ARL10: variants seen among roughly 807,000 people sequenced by gnomAD.
ARL10 encodes the protein ADP-ribosylation factor-like protein 10.
ARL10 carries 23 observed loss-of-function variants against 26.1 expected under a neutral mutation model. The ratio of observed to expected loss-of-function variants is 0.88; its 90% CI spans 0.63 to 1.25. The LOEUF (loss-of-function observed/expected upper bound fraction) is 1.25. ARL10 is among the 50% of genes most tolerant of loss of function. ARL10 has a pLI of 0.00. For missense variants in ARL10, 300 were observed against 323.6 expected (o/e 0.93, Z 0.56); for synonymous variants, 138 against 149.1 (o/e 0.93, Z 0.54).
chr5:176,388,671 ACC>A, downstream of ARL10: 1 of 1,326,088 alleles, frequency 7.5e-7, no homozygotes, highest in Non-Finnish European at 1.1e-6. Flanking sequence ...TTGTAGCACT[ACC>A]GTGCTGAGCA....
At chr5:176,405,889 C>T (rs563368832), downstream of ARL10, 2 of 151,880 alleles carry the variant, frequency 1.3e-5, no homozygotes, top group South Asian at 2.1e-4. Flanking sequence ...TATGGTAACA[C>T]TCTGCAGCCC....
chr5:176,388,509 G>T (rs1222357596), exon 2 of ARL10: 1 of 1,613,624 alleles, frequency 6.2e-7, no homozygotes, highest in Non-Finnish European at 8.5e-7. Context: ...CCAAACTTCT[G>T]CCTCCGGGTT....
Position 176,374,608 on chromosome 5 carries a change from A to G in ARL10, c.*2713A>G, listed in dbSNP as rs1006930045. The G allele has an allele frequency of 6.6e-6, 1 of 152,252 alleles. No homozygotes were observed. Among genetic ancestry groups the G allele is most frequent in the Non-Finnish European group, 1.5e-5 (1 of 68,040 alleles). The allele number at this position is 152,252 out of a possible 1,614,324, so 9.4% of individuals were successfully genotyped here. A position where few individuals can be genotyped will look rare whatever the true frequency, so the allele number is the denominator to read the frequency against. On this transcript the variant is annotated 3_prime_UTR_variant, in exon 4 of 4. Transcript: ENST00000310389. ...GTTCAGACGATAAAAATAGTTCAACAGCGTGCAAGCTCTGCTGCTCATAGC... is the reference window on the plus strand; with the variant it reads ...GTTCAGACGATAAAAATAGTTCAACGGCGTGCAAGCTCTGCTGCTCATAGC...
chr5:176,366,006 G>T (rs1456143649), intron 1 of ARL10, among the ~76,000 whole-genome samples: 1 of 152,216 alleles, frequency 6.6e-6, no homozygotes, highest in Non-Finnish European at 1.5e-5. Context: ...GGGTGTTCCA[G>T]CGGGGGCCGG....
rs1755514107 is a variant in ARL10 at position 176,380,042 on chromosome 5, GT to G, written c.*8149del. 1.3e-5 allele frequency: 2 copies of G among 152,322 alleles called. No individual in the cohort carries two copies. Among genetic ancestry groups the G allele is most frequent in the South Asian group, 4.1e-4 (2 of 4,830 alleles). 9.4% of individuals were successfully genotyped at this position (152,322 alleles called of 1,614,324 possible). On this transcript the variant is annotated 3_prime_UTR_variant, in exon 4 of 4. Transcript: ENST00000310389. ...AGCTTTAGACCATGGAGTAAAAGTGGTTACAGCAGGCAGGCTGGTTGACTAG... is the reference window on the plus strand; with the variant it reads ...AGCTTTAGACCATGGAGTAAAAGTGGTACAGCAGGCAGGCTGGTTGACTAG...
chr5:176,369,331 C>T, intron 3 of ARL10: 1 of 720,742 alleles, frequency 1.4e-6, no homozygotes, highest in Non-Finnish European at 2.0e-6. Flanking sequence ...CTCCCGGGTT[C>T]AAGCAATTCT....
downstream of ARL10, chr5:176,406,779 G>T: frequency 8.6e-7 from 1 of 1,165,160 alleles, no homozygotes; most frequent in Non-Finnish European, 1.1e-6. Context: ...GGTGTGCACA[G>T]GCCAAGGTTT....
At chr5:176,370,347 A>C (rs1768493809) in intron 3 of ARL10, among the ~76,000 whole-genome samples, 1 of 152,180 alleles carries the variant, frequency 6.6e-6, no homozygotes, top group Non-Finnish European at 1.5e-5. Context: ...AACCCTCAGT[A>C]TCACAGACCT....
chr5:176,411,442 T>C, the ARL10 span, among the ~76,000 whole-genome samples: 1 of 152,222 alleles, frequency 6.6e-6, no homozygotes, highest in Non-Finnish European at 1.5e-5. Context: ...CCTGGAAGGC[T>C]GCTCCCTCAC....
At position 176,372,149 on chromosome 5, in the gene ARL10, G is replaced by A; in HGVS notation, c.*254G>A. On this transcript the variant is annotated 3_prime_UTR_variant, in exon 4 of 4. Transcript: ENST00000310389. ...GATAGTGTCTGGCTCATTCCAGGCT[G>A]GAATGTGGATCCAGCTTTCCCTTCT... 7.9e-7 allele frequency: 1 copy of A among 1,268,804 alleles called. No homozygotes were observed. Among genetic ancestry groups the A allele is most frequent in the Non-Finnish European group, 1.0e-6 (1 of 973,288 alleles). 78.6% of individuals were successfully genotyped at this position (1,268,804 alleles called of 1,614,324 possible).
chr5:176,388,952 G>C, downstream of ARL10: 2 of 1,614,174 alleles, frequency 1.2e-6, no homozygotes, highest in Non-Finnish European at 1.7e-6. Flanking sequence ...CAAGACCCGC[G>C]AGAACCCGGT....
At chr5:176,393,136 C>T (rs549636734), downstream of ARL10, among the ~76,000 whole-genome samples, 1 of 152,254 alleles carries the variant, frequency 6.6e-6, no homozygotes, top group Non-Finnish European at 1.5e-5. This position sits in a 1 kb window ranked among gnomAD's most constrained non-coding sequence, Gnocchi z 4.4. Flanking sequence ...GACCTTGGCA[C>T]TTGCTATCAC....
At chr5:176,395,667 A>G (rs1756486842) in intron 1 of ARL10, among the ~76,000 whole-genome samples, 1 of 152,050 alleles carries the variant, frequency 6.6e-6, no homozygotes. Context: ...TACTCATCAC[A>G]CCAAGTAGAC....
intron 1 of ARL10, among the ~76,000 whole-genome samples, chr5:176,395,537 G>A (rs570868033): frequency 3.9e-5 from 6 of 152,310 alleles, no homozygotes; most frequent in African/African-American, 1.2e-4. Flanking sequence ...CACCTAGAGT[G>A]AAGAACAGCA....
downstream of ARL10, chr5:176,406,658 A>G: frequency 7.8e-7 from 1 of 1,289,294 alleles, no homozygotes; most frequent in East Asian, 5.6e-5. Context: ...GCTCGTCCTT[A>G]GGCTGTATTG....
downstream of ARL10, among the ~76,000 whole-genome samples, chr5:176,402,755 A>G (rs781605439): frequency 9.2e-5 from 14 of 152,208 alleles, no homozygotes; most frequent in African/African-American, 3.4e-4. Flanking sequence ...TCCCTCACAA[A>G]TGAGAACCAT....
Position 176,365,577 on chromosome 5 carries a change from C to T in ARL10, c.14C>T (p.Pro5Leu), listed in dbSNP as rs1196051840. The T allele has an allele frequency of 1.6e-6, 2 of 1,236,740 alleles. No homozygotes were observed. Among genetic ancestry groups the T allele is most frequent in the African/African-American group, 1.6e-5 (1 of 64,284 alleles). 76.6% of individuals were successfully genotyped at this position (1,236,740 alleles called of 1,614,324 possible). A position where few individuals can be genotyped will look rare whatever the true frequency, so the allele number is the denominator to read the frequency against. MAPR[P>L]LGPLVLALGG... ...TCGCCCGGCCCGATGGCGCCGCGGC[C>T]GCTGGGCCCCTTGGTGCTGGCGCTG... is the stretch of plus-strand genomic sequence containing the variant. Residue 5 changes from proline (P) to leucine (L), a missense_variant, in exon 1 of 4, where the codon CCG becomes CTG. Coordinates refer to ENST00000310389, the MANE Select transcript of ARL10 (RefSeq NM_173664.6).
downstream of ARL10, chr5:176,384,091 CGTGT>C: frequency 6.2e-7 from 1 of 1,602,294 alleles, no homozygotes; most frequent in Non-Finnish European, 8.5e-7. Flanking sequence ...GGAGTGTGCA[CGTGT>C]GTGTGTAACC....
chr5:176,369,083 G>T, intron 3 of ARL10, 101 bp downstream of exon 3: 1 of 1,545,898 alleles, frequency 6.5e-7, no homozygotes. Flanking sequence ...TGGAGAGGGT[G>T]GCTGAGATGC....
Sources: gnomAD v4.1 joint callset for allele counts (sites outside exome capture counted in the v4.1 genomes callset) on GRCh38, gnomAD v4.1.1 for gene constraint, Gnocchi (gnomAD v3.1) non-coding constraint, MANE v1.5 for transcripts, NCBI Gene and HGNC (gene_info 2026-07-23, HGNC 2026-07-21) for gene names.